IQCJ: variants seen among roughly 807,000 people sequenced by gnomAD.
The protein encoded by IQCJ is IQ motif containing J.
In IQCJ, 9 loss-of-function variants were observed where a neutral mutation model predicts 11.0. The observed-to-expected ratio is 0.82, with a 90% CI of 0.49 to 1.43. The LOEUF is 1.43. IQCJ is among the 40% of genes most tolerant of loss of function. IQCJ has a pLI of 0.00. For synonymous variants in IQCJ, 55 were observed against 51.3 expected (o/e 1.07, Z -0.31); for missense variants, 146 against 133.2 (o/e 1.10, Z -0.47).
intron 1 of IQCJ, among the ~76,000 whole-genome samples, chr3:159,085,138 A>G (rs1045957434): frequency 3.3e-5 from 5 of 151,750 alleles, no homozygotes; most frequent in Non-Finnish European, 7.4e-5. Flanking sequence ...TCATTGTTCA[A>G]TTCCCACCTA....
chr3:159,222,689 T>C (rs1010663762), intron 1 of IQCJ, among the ~76,000 whole-genome samples: 1 of 152,138 alleles, frequency 6.6e-6, no homozygotes, highest in Non-Finnish European at 1.5e-5. Flanking sequence ...TTAGGTACTC[T>C]TGCCTAAAAA....
At chr3:159,193,235 T>G (rs979084307) in intron 1 of IQCJ, among the ~76,000 whole-genome samples, 1 of 152,162 alleles carries the variant, frequency 6.6e-6, no homozygotes, top group Non-Finnish European at 1.5e-5. Flanking sequence ...GTTGTGAAGA[T>G]GAGACACAAT....
At chr3:159,069,858 TG>T in intron 1 of IQCJ, 5 of 338,628 alleles carry the variant, frequency 1.5e-5, no homozygotes, top group Non-Finnish European at 3.0e-5. Context: ...TGTGTGTGTG[TG>T]TGTGTGTGTG....
chr3:159,262,625 C>T lies in IQCJ; in HGVS notation c.233C>T (p.Ser78Phe). 3 of 1,614,026 alleles carry T rather than the reference C, an allele frequency of 1.9e-6. No homozygotes were observed. Among genetic ancestry groups the T allele is most frequent in the Non-Finnish European group, 2.5e-6 (3 of 1,179,884 alleles). The change falls in exon 4 of 4, where the codon TCC (serine) becomes TTC (phenylalanine). Residue 78 changes from serine (S) to phenylalanine (F), a missense_variant. Physicochemically the swap from Ser to Phe is radical, Grantham distance 155 (BLOSUM62 -2). Coordinates refer to ENST00000397832, the MANE Select transcript of IQCJ (RefSeq NM_001042706.3). Reference sequence around the variant, plus strand: ...AGGAGCCCGTCCCCACCCTCTGTCTCCTCAGAGAAGCTGAGCAGCTCTGTC... The same window carrying T: ...AGGAGCCCGTCCCCACCCTCTGTCTTCTCAGAGAAGCTGAGCAGCTCTGTC... ...GKRSPSPPSV[S>F]SEKLSSSVSM...
At chr3:159,206,954 G>A (rs114602597) in intron 1 of IQCJ, among the ~76,000 whole-genome samples, 4,960 of 152,168 alleles carry the variant, frequency 0.033, 249 homozygotes, top group African/African-American at 0.11. Context: ...GTCTTGTATT[G>A]TTTTATCACT....
At chr3:159,169,006 C>T (rs1303045552) in intron 1 of IQCJ, among the ~76,000 whole-genome samples, 1 of 145,296 alleles carries the variant, frequency 6.9e-6, no homozygotes, top group Non-Finnish European at 1.5e-5. Context: ...TGATAAATAC[C>T]TGCTATTTAT....
At chr3:159,090,986 T>C (rs1335844590) in intron 1 of IQCJ, among the ~76,000 whole-genome samples, 2 of 151,902 alleles carry the variant, frequency 1.3e-5, no homozygotes, top group Non-Finnish European at 2.9e-5. Context: ...AGCTAAAAAC[T>C]AAATCCCTAA....
intron 1 of IQCJ, among the ~76,000 whole-genome samples, chr3:159,093,855 T>C (rs1233238575): frequency 6.6e-6 from 1 of 151,786 alleles, no homozygotes; most frequent in Non-Finnish European, 1.5e-5. Context: ...ACTTGCTCAC[T>C]ATCACAAGAA....
chr3:159,181,160 A>G (rs930243107), intron 1 of IQCJ, among the ~76,000 whole-genome samples: 3 of 151,720 alleles, frequency 2.0e-5, no homozygotes, highest in Admixed American at 6.6e-5. Context: ...TGTCTGGTGG[A>G]CATGTTTCAG....
chr3:159,179,343 C>G, intron 1 of IQCJ, among the ~76,000 whole-genome samples: 1 of 152,114 alleles, frequency 6.6e-6, no homozygotes, highest in Non-Finnish European at 1.5e-5. Flanking sequence ...AGGTTCTCAC[C>G]TCTGCATCTA....
intron 1 of IQCJ, among the ~76,000 whole-genome samples, chr3:159,216,300 C>G (rs910741462): frequency 4.6e-5 from 7 of 152,146 alleles, no homozygotes; most frequent in African/African-American, 1.7e-4. Flanking sequence ...TTTTTTAAAG[C>G]ATATTTGCTG....
intron 1 of IQCJ, among the ~76,000 whole-genome samples, chr3:159,244,135 C>T (rs759546178): frequency 1.3e-5 from 2 of 152,148 alleles, no homozygotes; most frequent in Non-Finnish European, 2.9e-5. Flanking sequence ...GCTTGTCAGA[C>T]ATGTACATGG....
intron 3 of IQCJ, among the ~76,000 whole-genome samples, chr3:159,255,482 A>G (rs771477256): frequency 6.6e-5 from 10 of 152,214 alleles, no homozygotes; most frequent in Non-Finnish European, 1.5e-4. Context: ...AGGGTCTCAG[A>G]TGGTTCCTCG....
intron 1 of IQCJ, among the ~76,000 whole-genome samples, chr3:159,086,609 G>T (rs1716795122): frequency 6.6e-6 from 1 of 151,822 alleles, no homozygotes; most frequent in Non-Finnish European, 1.5e-5. Context: ...GTGGTTTGTA[G>T]TTCTCCTTGA....
intron 1 of IQCJ, among the ~76,000 whole-genome samples, chr3:159,089,472 G>A (rs957411764): frequency 5.0e-4 from 76 of 152,050 alleles, no homozygotes; most frequent in Non-Finnish European, 7.9e-4. Context: ...GGCCTGCCTT[G>A]CTAGATTGGG....
At chr3:159,079,679 T>C (rs1202333417) in intron 1 of IQCJ, among the ~76,000 whole-genome samples, 1 of 152,090 alleles carries the variant, frequency 6.6e-6, no homozygotes, top group African/African-American at 2.4e-5. Flanking sequence ...CCTCTCAAAA[T>C]CTAGGAATAT....
intron 1 of IQCJ, among the ~76,000 whole-genome samples, chr3:159,222,819 A>G (rs939171252): frequency 6.6e-6 from 1 of 152,136 alleles, no homozygotes; most frequent in African/African-American, 2.4e-5. Flanking sequence ...GCCTTAATAC[A>G]ATAAAAAATT....
chr3:159,119,358 A>G (rs1157546238), intron 1 of IQCJ, among the ~76,000 whole-genome samples: 2 of 152,216 alleles, frequency 1.3e-5, no homozygotes, highest in Non-Finnish European at 2.9e-5. Flanking sequence ...TTATAAAACT[A>G]ATCACTTTTC....
chr3:159,081,151 G>A (rs542031630), intron 1 of IQCJ, among the ~76,000 whole-genome samples: 1 of 152,244 alleles, frequency 6.6e-6, no homozygotes, highest in East Asian at 1.9e-4. Context: ...GTGCTGTCTT[G>A]TAGGTGTCTT....
Sources: allele counts gnomAD v4.1 joint callset (sites outside exome capture counted in the v4.1 genomes callset), GRCh38; gene constraint gnomAD v4.1.1; transcripts MANE v1.5; gene names NCBI Gene and HGNC (gene_info 2026-07-23, HGNC 2026-07-21).